AKNAD1: variants seen among roughly 807,000 people sequenced by gnomAD.
AKNAD1 encodes AKNA domain containing 1.
Under a neutral mutation model 90.8 loss-of-function variants are expected in AKNAD1, and 67 were observed. That is an observed-to-expected ratio of 0.74 (90% CI 0.61 to 0.90). AKNAD1 has a LOEUF of 0.90. Ranked by LOEUF, AKNAD1 falls within the 40% of genes least tolerant of loss-of-function variation. The pLI is 0.00. For missense variants in AKNAD1, 957 were observed against 975.4 expected (o/e 0.98, Z 0.25); for synonymous variants, 327 against 341.4 (o/e 0.96, Z 0.46).
At chr1:108,847,317 G>A (rs1664730933) in intron 5 of AKNAD1, among the ~76,000 whole-genome samples, 1 of 151,906 alleles carries the variant, frequency 6.6e-6, no homozygotes, top group African/African-American at 2.4e-5. Flanking sequence ...GCACGGTGGT[G>A]CACACCTGTA....
At position 108,825,954 on chromosome 1, in the gene AKNAD1, AC is replaced by A. The variant is rs200273991; in HGVS notation, c.1936+1250del. 9.8e-3 allele frequency among the ~76,000 whole-genome samples: 1,494 copies of A among 151,846 alleles called. 26 individuals are homozygous for A. Among genetic ancestry groups the A allele is most frequent in the Non-Finnish European group, 0.016 (1,072 of 67,972 alleles). ...TGAATATCTGGCTTAATAAAAGGCAACTGGATTCCATAACTGCATCTCCATC... is the reference window on the plus strand; with the variant it reads ...TGAATATCTGGCTTAATAAAAGGCAATGGATTCCATAACTGCATCTCCATC... On this transcript the variant is annotated intron_variant, in intron 11 of 15. Transcript: ENST00000370001.
rs1305608374 is a variant in AKNAD1, at chr1:108,851,846, A to G, written c.819T>C (p.Asn273=). ...TTGCAAGTGGTTTATTAATTATCTT[A>G]TTTTTAGGAATTTTCACTTTGGGAG... ...KIAPKVKIPK[N]KIINKPLAIA... The change falls in exon 2 of 16, where the codon AAT becomes AAC. Residue 273 remains asparagine (N), a synonymous_variant. Transcript: ENST00000370001. 1 of 1,613,590 alleles carries G rather than the reference A, an allele frequency of 6.2e-7. No individual in the cohort carries two copies. Among genetic ancestry groups the G allele is most frequent in the Non-Finnish European group, 8.5e-7 (1 of 1,179,868 alleles).
At chr1:108,819,448 T>C (rs1663739253) in intron 14 of AKNAD1, among the ~76,000 whole-genome samples, 1 of 135,512 alleles carries the variant, frequency 7.4e-6, no homozygotes, top group African/African-American at 2.8e-5. Context: ...TAAGACCCCA[T>C]CTCTACCAAA....
upstream of AKNAD1, chr1:108,857,384 C>A: frequency 6.5e-6 from 1 of 153,234 alleles, no homozygotes. Flanking sequence ...AGAAGGTAAC[C>A]ATGGCTAGGA....
At chr1:108,858,016 G>C (rs1665097070), upstream of AKNAD1, 1 of 152,576 alleles carries the variant, frequency 6.6e-6, no homozygotes, top group South Asian at 2.1e-4. Context: ...TCAACACAAA[G>C]GGCAAAACCA....
intron 1 of AKNAD1, among the ~76,000 whole-genome samples, chr1:108,853,731 C>T (rs1293903189): frequency 2.0e-5 from 3 of 151,706 alleles, no homozygotes; most frequent in Non-Finnish European, 4.4e-5. Context: ...GTCAGGAGTT[C>T]GAGACCAGCC....
chr1:108,846,125 A>T (rs1449410298), intron 5 of AKNAD1, among the ~76,000 whole-genome samples: 1 of 152,192 alleles, frequency 6.6e-6, no homozygotes, highest in Non-Finnish European at 1.5e-5. Flanking sequence ...GAGGCACGAC[A>T]TCCGCTCCAA....
At chr1:108,851,223 T>C (rs1158748482) in intron 2 of AKNAD1, among the ~76,000 whole-genome samples, 1 of 151,982 alleles carries the variant, frequency 6.6e-6, no homozygotes, top group African/African-American at 2.4e-5. Context: ...GTGGAAAAGG[T>C]TGTGACTTAG....
At chr1:108,841,121 C>T (rs1183142883) in intron 6 of AKNAD1, among the ~76,000 whole-genome samples, 2 of 151,708 alleles carry the variant, frequency 1.3e-5, no homozygotes, top group African/African-American at 4.8e-5. Flanking sequence ...TGCAGTGAGC[C>T]GAGATCGCGC....
chr1:108,839,471 T>TAAAAAAAAAAGAAAAAAAAAAAAAAA (rs1664472879), intron 6 of AKNAD1, among the ~76,000 whole-genome samples: 2 of 126,144 alleles, frequency 1.6e-5, no homozygotes, highest in Non-Finnish European at 3.2e-5. Context: ...TCCGTCTCAA[T>TAAAAAAAAAAGAAAAAAAAAAAAAAA]AAAAAAAAAA....
chr1:108,843,652 T>C (rs936126986), intron 5 of AKNAD1, among the ~76,000 whole-genome samples: 6 of 152,390 alleles, frequency 3.9e-5, no homozygotes, highest in African/African-American at 1.4e-4. Flanking sequence ...GTAAATGTAG[T>C]AAAGTATATT....
Position 108,852,121 on chromosome 1 carries a change from T to A in AKNAD1, c.544A>T (p.Asn182Tyr). The change falls in exon 2 of 16, where the codon AAT (asparagine) becomes TAT (tyrosine). Residue 182 changes from asparagine to tyrosine, a missense_variant. Transcript: ENST00000370001. Reference sequence around the variant, plus strand: ...GTCGTGGTGGCAGAACCAGGCTTATTGCTGTTTTCACCATCCCTTTTCGGG... The same window carrying A: ...GTCGTGGTGGCAGAACCAGGCTTATAGCTGTTTTCACCATCCCTTTTCGGG... The part of the protein sequence containing the change: ...LNPKRDGENS[N>Y]KPGSATTTEE... The A allele has an allele frequency of 6.2e-7, 1 of 1,614,214 alleles. No individual in the cohort carries two copies. The highest frequency in any genetic ancestry group is 2.2e-5 in the East Asian group (1 of 44,888).
At chr1:108,818,836 G>A (rs1376235233) in intron 14 of AKNAD1, among the ~76,000 whole-genome samples, 1 of 151,926 alleles carries the variant, frequency 6.6e-6, no homozygotes, top group Non-Finnish European at 1.5e-5. Flanking sequence ...GGTGGCGGGT[G>A]CCTATAATCC....
intron 2 of AKNAD1, 111 bp downstream of exon 2, chr1:108,851,561 G>A: frequency 9.3e-7 from 1 of 1,074,768 alleles, no homozygotes; most frequent in East Asian, 2.4e-5. Flanking sequence ...CCAGGGTGCT[G>A]AATGAAACTT....
In AKNAD1 at chr1:108,856,551, T is replaced by A. The variant is rs145355055; in HGVS notation, c.-104+378A>T. Among the ~76,000 whole-genome samples, 10 of 146,170 alleles carry A rather than the reference T, an allele frequency of 6.8e-5. No individual in the cohort carries two copies. The East Asian group carries it at 1.6e-3, about 23-fold the overall frequency. On this transcript the variant is annotated intron_variant, in intron 1 of 15. Coordinates refer to ENST00000370001, the MANE Select transcript of AKNAD1 (RefSeq NM_152763.5). ...CCTGTCTCTACAAAGAAAAAAAAAATTAAAAATTAGCCAGCAGTGGTGGTA... is the reference window on the plus strand; with the variant it reads ...CCTGTCTCTACAAAGAAAAAAAAAAATAAAAATTAGCCAGCAGTGGTGGTA...
intron 6 of AKNAD1, among the ~76,000 whole-genome samples, chr1:108,842,227 A>G (rs11582294): frequency 0.12 from 17,872 of 152,142 alleles, 1,147 homozygotes; most frequent in Non-Finnish European, 0.14. Flanking sequence ...TACCTTGGGG[A>G]AAAAAATGCC....
rs1663896177 is a variant in AKNAD1, at chr1:108,823,651, G to A, written c.1974C>T (p.Gly658=). ...DTGHSFCSDS[G]TEMQSNKCQD... ...GACATTTGTTACTCTGCATTTCAGT[G>A]CCAGAATCAGAACAGAAGCTGTGTC... is the stretch of plus-strand genomic sequence containing the variant. The change falls in exon 12 of 16, where the codon GGC becomes GGT. Residue 658 remains glycine (G), a synonymous_variant. Coordinates refer to ENST00000370001, the MANE Select transcript of AKNAD1 (RefSeq NM_152763.5). The A allele has an allele frequency of 6.2e-7, 1 of 1,614,120 alleles. No individual in the cohort carries two copies. Among genetic ancestry groups the A allele is most frequent in the African/African-American group, 1.3e-5 (1 of 75,042 alleles).
intron 13 of AKNAD1, among the ~76,000 whole-genome samples, 154 bp from the exon 14 acceptor site, chr1:108,820,780 T>C (rs534115546): frequency 6.6e-6 from 1 of 152,274 alleles, no homozygotes; most frequent in East Asian, 1.9e-4. Flanking sequence ...AAAGAACTTT[T>C]GCTGGGCGCG....
intron 9 of AKNAD1, among the ~76,000 whole-genome samples, chr1:108,832,092 C>A (rs1350457728): frequency 6.6e-6 from 1 of 152,014 alleles, no homozygotes; most frequent in African/African-American, 2.4e-5. Context: ...ACGTTGTCGC[C>A]ATTTTAATGG....
Sources: gnomAD v4.1 joint callset for allele counts (sites outside exome capture counted in the v4.1 genomes callset) on GRCh38, gnomAD v4.1.1 for gene constraint, MANE v1.5 for transcripts, NCBI Gene and HGNC (gene_info 2026-07-23, HGNC 2026-07-21) for gene names.